The following DPP10 variants were observed in gnomAD, a reference collection of about 807,000 sequenced individuals.
DPP10 encodes inactive dipeptidyl peptidase 10.
A neutral mutation model predicts 120.9 loss-of-function variants in DPP10; 33 were observed. The ratio of observed to expected loss-of-function variants is 0.27; its 90% confidence interval spans 0.21 to 0.37. The LOEUF is 0.37. DPP10 is among the 10% of genes least tolerant of loss of function. The probability of loss-of-function intolerance (pLI) is 1.00; values close to 1 mark genes in which losing one functional copy is unlikely to be tolerated. For synonymous variants in DPP10, 337 were observed against 326.1 expected, an observed-to-expected ratio of 1.03 and a Z score of -0.36; for missense variants, 816 against 942.8, an observed-to-expected ratio of 0.87 and a Z score of 1.76.
chr2:115,165,041 C>T (rs903528248), intron 1 of DPP10, among the ~76,000 whole-genome samples: 4 of 152,196 alleles, frequency 2.6e-5, no homozygotes, highest in Non-Finnish European at 5.9e-5. Flanking sequence ...CTTGACATGA[C>T]TAGACACAAT....
chr2:115,796,689 T>C (rs2149942362), intron 19 of DPP10, among the ~76,000 whole-genome samples: 2 of 152,250 alleles, frequency 1.3e-5, no homozygotes, highest in Middle Eastern at 6.8e-3. Flanking sequence ...TTTACAATTT[T>C]TTTACTTAGC....
At chr2:115,020,127 A>T (rs1183306993) in intron 1 of DPP10, among the ~76,000 whole-genome samples, 2 of 152,216 alleles carry the variant, frequency 1.3e-5, no homozygotes. Context: ...TCAGACAACA[A>T]ACAGCACAAT....
chr2:115,007,243 A>G (rs1701920862), intron 1 of DPP10, among the ~76,000 whole-genome samples: 1 of 152,198 alleles, frequency 6.6e-6, no homozygotes, highest in Non-Finnish European at 1.5e-5. Context: ...AGTGGGCTTC[A>G]TCCCTGGGAT....
At chr2:115,248,313 G>T (rs10864936) in intron 1 of DPP10, among the ~76,000 whole-genome samples, 61,745 of 152,076 alleles carry the variant, frequency 0.41, 15,270 homozygotes, top group Non-Finnish European at 0.56. Context: ...ACCATGAGCT[G>T]TATTGCATCA....
At chr2:115,168,198 T>C (rs1464173558) in intron 1 of DPP10, among the ~76,000 whole-genome samples, 1 of 152,150 alleles carries the variant, frequency 6.6e-6, no homozygotes, top group Non-Finnish European at 1.5e-5. Context: ...GTGTAACCTT[T>C]AAACACACAT....
intron 15 of DPP10, among the ~76,000 whole-genome samples, chr2:115,778,363 C>T (rs995763019): frequency 6.6e-6 from 1 of 151,956 alleles, no homozygotes; most frequent in African/African-American, 2.4e-5. Context: ...TCATTGCTTG[C>T]TAAAATAAAG....
intron 1 of DPP10, among the ~76,000 whole-genome samples, chr2:114,514,122 C>T (rs945864525): frequency 6.6e-6 from 1 of 152,164 alleles, no homozygotes; most frequent in African/African-American, 2.4e-5. Flanking sequence ...CATTCTACCT[C>T]CATCATAATG....
chr2:114,481,855 A>G (rs1164911902), intron 1 of DPP10, among the ~76,000 whole-genome samples: 2 of 151,000 alleles, frequency 1.3e-5, no homozygotes, highest in African/African-American at 4.9e-5. Context: ...GGAAGCAAGC[A>G]TGTTCTTCAC....
intron 1 of DPP10, among the ~76,000 whole-genome samples, chr2:115,013,993 C>A (rs760467999): frequency 1.3e-5 from 2 of 152,066 alleles, no homozygotes; most frequent in Non-Finnish European, 2.9e-5. Flanking sequence ...ACCAAGCAGA[C>A]CTAGTAGACA....
intron 1 of DPP10, among the ~76,000 whole-genome samples, chr2:114,834,723 A>G (rs893332388): frequency 1.5e-5 from 2 of 130,720 alleles, no homozygotes; most frequent in Non-Finnish European, 3.5e-5. Flanking sequence ...TGTATATATA[A>G]GCCATGTCTA....
intron 1 of DPP10, among the ~76,000 whole-genome samples, chr2:115,049,090 A>G (rs977600014): frequency 6.6e-6 from 1 of 152,096 alleles, no homozygotes; most frequent in African/African-American, 2.4e-5. Context: ...CAATTTTTTA[A>G]TACATAATAA....
intron 1 of DPP10, among the ~76,000 whole-genome samples, chr2:114,688,633 T>C (rs1185969912): frequency 1.3e-5 from 2 of 152,004 alleles, no homozygotes; most frequent in Non-Finnish European, 2.9e-5. Flanking sequence ...CCTTGCATTC[T>C]GGAAATGCGG....
chr2:114,929,314 G>A (rs1249977624), intron 1 of DPP10, among the ~76,000 whole-genome samples: 2 of 152,114 alleles, frequency 1.3e-5, no homozygotes, highest in East Asian at 3.9e-4. Flanking sequence ...CAGGAAACGG[G>A]GTTCAAGAGC....
intron 7 of DPP10, among the ~76,000 whole-genome samples, chr2:115,718,474 A>G (rs974261324): frequency 6.6e-6 from 1 of 152,130 alleles, no homozygotes; most frequent in African/African-American, 2.4e-5. Flanking sequence ...TTCATTCACT[A>G]TTGACTATCT....
chr2:115,574,466 G>T lies in DPP10; in HGVS notation c.441+48494G>T, dbSNP rs956993695. On this transcript the variant is annotated intron_variant, in intron 5 of 25. Transcript: ENST00000410059. The stretch of plus-strand genomic sequence containing the variant: ...TGCAACACTTCCTGCCTCTGATTCA[G>T]TTGCTTTCCCCATGTTTAAATTCTT... 2.6e-5 allele frequency among the ~76,000 whole-genome samples: 4 copies of T among 152,256 alleles called. No homozygotes were observed. In the South Asian group the frequency reaches 8.3e-4, roughly 32 times the overall value.
At chr2:114,791,390 A>C (rs1227697278) in intron 1 of DPP10, among the ~76,000 whole-genome samples, 1 of 152,166 alleles carries the variant, frequency 6.6e-6, no homozygotes, top group Non-Finnish European at 1.5e-5. Context: ...TGCTGGAATG[A>C]GTAGAGGAAA....
rs565776066 is a variant in DPP10 at position 115,138,924 on chromosome 2, C to CA, written c.61-170311dup. 4.7e-4 allele frequency among the ~76,000 whole-genome samples: 71 copies of CA among 152,090 alleles called. 1 individual carries two copies. In the South Asian group the frequency reaches 9.1e-3, roughly 20 times the overall value. ...TAAATTCTGATTGCTTACACCTGGG[C>CA]AAAATGTCTTTAAAATTGTCAATAA... On this transcript the variant is annotated intron_variant, in intron 1 of 25. Coordinates refer to ENST00000410059, the MANE Select transcript of DPP10 (RefSeq NM_020868.6).
chr2:114,731,333 G>C (rs1333887883), intron 1 of DPP10, among the ~76,000 whole-genome samples: 1 of 151,764 alleles, frequency 6.6e-6, no homozygotes, highest in Non-Finnish European at 1.5e-5. Flanking sequence ...TATTGTCCTT[G>C]ATTAACAGCA....
chr2:115,167,883 GTAAACTT>G (rs1331095287), intron 1 of DPP10, among the ~76,000 whole-genome samples: 1 of 152,150 alleles, frequency 6.6e-6, no homozygotes, highest in Non-Finnish European at 1.5e-5. Flanking sequence ...CAGGCTAAAA[GTAAACTT>G]TGGCTAATTC....
Sources: allele counts gnomAD v4.1 joint callset (sites outside exome capture counted in the v4.1 genomes callset), GRCh38; gene constraint gnomAD v4.1.1; transcripts MANE v1.5; gene names NCBI Gene and HGNC (gene_info 2026-07-23, HGNC 2026-07-21).